The following CDK10 variants were observed in gnomAD, a reference collection of about 807,000 sequenced individuals.
CDK10 encodes cyclin dependent kinase 10, also known as cyclin-dependent kinase 10.
In CDK10, 55 loss-of-function variants were observed where a neutral mutation model predicts 51.0. That is an observed-to-expected ratio of 1.08 (90% CI 0.87 to 1.35). The LOEUF (loss-of-function observed/expected upper bound fraction) is 1.35, where lower values mean the gene tolerates loss of function less well. Ranked by LOEUF, CDK10 falls within the 40% of genes most tolerant of loss-of-function variation. CDK10 has a pLI of 0.00. For synonymous variants in CDK10, 255 were observed against 199.1 expected, an observed-to-expected ratio of 1.28 and a Z score of -2.36; for missense variants, 589 against 485.1, an observed-to-expected ratio of 1.21 and a Z score of -2.01.
intron 1 of CDK10, chr16:89,687,490 A>G: frequency 2.2e-6 from 1 of 456,208 alleles, no homozygotes; most frequent in Non-Finnish European, 4.4e-6. Flanking sequence ...TTACTCATCC[A>G]GACGTGCAGC....
chr16:89,691,848 C>G lies in CDK10; in HGVS notation c.378C>G (p.Ser126Arg). 6.2e-7 allele frequency: 1 copy of G among 1,614,014 alleles called. No homozygotes were observed. Among genetic ancestry groups the G allele is most frequent in the Non-Finnish European group, 8.5e-7 (1 of 1,179,980 alleles). The change falls in exon 5 of 13, where the codon AGC (serine) becomes AGG (arginine). Residue 126 changes from serine to arginine, a missense_variant. Coordinates refer to ENST00000353379, the MANE Select transcript of CDK10 (RefSeq NM_052988.5). ...VMGYCEQDLA[S>R]LLENMPTPFS... ...GTTACTGTGAGCAGGACCTGGCCAG[C>G]CTCCTGGAGAATATGCCAACACCCT...
At chr16:89,691,211 G>T (rs899057154) in intron 3 of CDK10, among the ~76,000 whole-genome samples, 2 of 152,168 alleles carry the variant, frequency 1.3e-5, no homozygotes, top group African/African-American at 2.4e-5. Flanking sequence ...CTTGAACCCG[G>T]GAGGCAGAGG....
intron 5 of CDK10, chr16:89,692,220 G>A: frequency 1.8e-6 from 1 of 545,140 alleles, no homozygotes; most frequent in Non-Finnish European, 3.2e-6. Flanking sequence ...TGAGGGCACT[G>A]GTTTTCTGGG....
At position 89,692,995 on chromosome 16, in the gene CDK10, G is replaced by A. The variant is rs1434091243; in HGVS notation, c.486-279G>A. ...TACTAAAAATACAAAAAAATTAGCC[G>A]GGCGTGGTGGCGGGCGCCTGTAGTC... On this transcript the variant is annotated intron_variant, in intron 6 of 12. Coordinates refer to ENST00000353379, the MANE Select transcript of CDK10 (RefSeq NM_052988.5). Among the ~76,000 whole-genome samples the A allele has an allele frequency of 4.6e-5, 7 of 151,698 alleles. No homozygotes were observed. The East Asian group carries it at 5.8e-4, about 13-fold the overall frequency.
At position 89,691,905 on chromosome 16, in the gene CDK10, C is replaced by A; in HGVS notation, c.417+18C>A. ...AGGCTCAGGTGCGTGGCAGAGGGGC[C>A]TGGGGTGGGGGAATGGGCTTCATGG... is the stretch of plus-strand genomic sequence containing the variant. On this transcript the variant is annotated intron_variant, in intron 5 of 12. Transcript: ENST00000353379. 1 of 1,611,040 alleles carries A rather than the reference C, an allele frequency of 6.2e-7. No individual in the cohort carries two copies. Among genetic ancestry groups the A allele is most frequent in the Middle Eastern group, 1.7e-4 (1 of 6,050 alleles).
At position 89,695,716 on chromosome 16, in the gene CDK10, A is replaced by T. The variant is rs1463871932; in HGVS notation, c.*24A>T. The T allele has an allele frequency of 2.5e-6, 4 of 1,591,822 alleles. No individual in the cohort carries two copies. In the Admixed American group the frequency reaches 7.0e-5, roughly 28 times the overall value. ...GACGGTGGGCCTGGCACACGCCTGT[A>T]TTCCCACACCAGGTCTTCCGATCAG... On this transcript the variant is annotated 3_prime_UTR_variant, in exon 13 of 13. Coordinates refer to ENST00000353379, the MANE Select transcript of CDK10 (RefSeq NM_052988.5).
chr16:89,695,445 G>C (rs894493640), intron 12 of CDK10, 100 bp downstream of exon 12: 9 of 1,483,302 alleles, frequency 6.1e-6, no homozygotes, highest in Non-Finnish European at 8.4e-6. Flanking sequence ...CCTCACTGAC[G>C]GCACACCCTT....
chr16:89,690,313 C>T lies in CDK10; in HGVS notation c.161-240C>T. The T allele has an allele frequency of 9.4e-6, 5 of 531,906 alleles. No homozygotes were observed. The South Asian group carries it at 1.2e-4, about 13-fold the overall frequency. The allele number at this position is 531,906 out of a possible 1,614,324, so 32.9% of individuals were successfully genotyped here. On this transcript the variant is annotated intron_variant, in intron 2 of 12. Coordinates refer to ENST00000353379, the MANE Select transcript of CDK10 (RefSeq NM_052988.5). The stretch of plus-strand genomic sequence containing the variant: ...GCCACAGAACTGAGTGGCTGGAGGC[C>T]AGGGTCCAGCACAGAGCAAAGTTGG...
chr16:89,688,639 G>C (rs1011744341), intron 1 of CDK10, among the ~76,000 whole-genome samples: 2 of 152,150 alleles, frequency 1.3e-5, no homozygotes, highest in East Asian at 3.9e-4. Context: ...GATGCCACTG[G>C]GTAGCGTTTC....
In CDK10 at chr16:89,693,871, C is replaced by T. The variant is rs1036577800; in HGVS notation, c.609-302C>T. 1.2e-5 allele frequency: 7 copies of T among 564,908 alleles called. No individual in the cohort carries two copies. In the African/African-American group the frequency reaches 1.3e-4, roughly 11 times the overall value. 35.0% of individuals were successfully genotyped at this position (564,908 alleles called of 1,614,324 possible). ...GCTGAATATCAGAGTTGGTCAGAAT[C>T]AGGTCAGGACCCCAGTGTCGTGTAC... is the stretch of plus-strand genomic sequence containing the variant. On this transcript the variant is annotated intron_variant, in intron 8 of 12. Coordinates refer to ENST00000353379, the MANE Select transcript of CDK10 (RefSeq NM_052988.5).
intron 6 of CDK10, 151 bp downstream of exon 6, chr16:89,692,667 A>C: frequency 3.9e-6 from 2 of 515,290 alleles, no homozygotes; most frequent in Non-Finnish European, 6.8e-6. Context: ...AAAATAGAGA[A>C]GGGGTCTCTC....
At chr16:89,688,086 T>C (rs1269935552) in intron 1 of CDK10, among the ~76,000 whole-genome samples, 1 of 144,620 alleles carries the variant, frequency 6.9e-6, no homozygotes, top group East Asian at 2.1e-4. Context: ...GCTTTTTTTT[T>C]TTTTTTTTTT....
At chr16:89,686,849 C>A in intron 1 of CDK10, 52 bp downstream of exon 1, 3 of 1,496,468 alleles carry the variant, frequency 2.0e-6, no homozygotes, top group Non-Finnish European at 2.8e-6. Context: ...GCGGCACTGC[C>A]CGGCTGGGTC....
intron 3 of CDK10, 28 bp downstream of exon 3, chr16:89,690,652 C>G (rs765217088): frequency 6.3e-7 from 1 of 1,582,560 alleles, no homozygotes; most frequent in Non-Finnish European, 8.7e-7. Context: ...GTGTTGGGAC[C>G]TCGCACTGGG....
chr16:89,694,096 G>A, intron 8 of CDK10, 77 bp from the exon 9 acceptor site: 9 of 1,449,554 alleles, frequency 6.2e-6, no homozygotes, highest in South Asian at 4.6e-5. Context: ...ACAGGCTCTC[G>A]GGGAGGCTGT....
intron 6 of CDK10, 140 bp from the exon 7 acceptor site, chr16:89,693,134 T>A: frequency 1.5e-6 from 1 of 658,066 alleles, no homozygotes; most frequent in East Asian, 2.8e-5. Context: ...TGAGACTCTG[T>A]CTCAAAAAAA....
chr16:89,694,420 G>C (rs762849301), intron 9 of CDK10, 188 bp downstream of exon 9: 5 of 850,418 alleles, frequency 5.9e-6, no homozygotes, highest in South Asian at 3.2e-5. Context: ...TTAGCTTGCT[G>C]TTCTCAGGCT....
chr16:89,690,258 G>A, intron 2 of CDK10: 2 of 455,044 alleles, frequency 4.4e-6, no homozygotes, highest in Non-Finnish European at 8.0e-6. Flanking sequence ...GCAGTGATCT[G>A]CATGCTAAGG....
At position 89,691,556 on chromosome 16, in the gene CDK10, T is replaced by C; in HGVS notation, c.335+11T>C. The C allele has an allele frequency of 6.2e-7, 1 of 1,607,002 alleles. No homozygotes were observed. Among genetic ancestry groups the C allele is most frequent in the Non-Finnish European group, 8.5e-7 (1 of 1,174,270 alleles). Reference sequence around the variant, plus strand: ...GAACCACCTGGAGAGGTACGTGGTCTCCTGGTCTGCACATTGGGCCCTAGG... The same window carrying C: ...GAACCACCTGGAGAGGTACGTGGTCCCCTGGTCTGCACATTGGGCCCTAGG... On this transcript the variant is annotated intron_variant, in intron 4 of 12. Transcript: ENST00000353379.
Sources: gnomAD v4.1 joint callset for allele counts (sites outside exome capture counted in the v4.1 genomes callset) on GRCh38, gnomAD v4.1.1 for gene constraint, MANE v1.5 for transcripts, NCBI Gene and HGNC (gene_info 2026-07-23, HGNC 2026-07-21) for gene names.